KALRN: variants seen among roughly 807,000 people sequenced by gnomAD.
KALRN encodes the protein kalirin.
A neutral mutation model predicts 353.7 loss-of-function variants in KALRN; 70 were observed. The ratio of observed to expected loss-of-function variants is 0.20; its 90% confidence interval spans 0.16 to 0.24. KALRN has a LOEUF of 0.24. Among genes scored for constraint, KALRN ranks in the 10% least tolerant of loss-of-function variants. The probability of loss-of-function intolerance (pLI) is 1.00; values close to 1 mark genes in which losing one functional copy is unlikely to be tolerated. For synonymous variants in KALRN, 1,391 were observed against 1,434.8 expected (o/e 0.97, Z 0.69); for missense variants, 2,791 against 3,756.7 (o/e 0.74, Z 6.72).
chr3:124,389,511 G>A (rs573518827), intron 11 of KALRN, among the ~76,000 whole-genome samples: 37 of 152,276 alleles, frequency 2.4e-4, no homozygotes, highest in Admixed American at 1.8e-3. Flanking sequence ...TGTAGGAGCC[G>A]AGAGGGTTAA....
chr3:124,412,835 G>GAATGTTGCA (rs1343450000), intron 13 of KALRN, among the ~76,000 whole-genome samples: 1 of 152,340 alleles, frequency 6.6e-6, no homozygotes, highest in East Asian at 1.9e-4. Context: ...TAGAAGGACA[G>GAATGTTGCA]AATGTTGCAC....
chr3:124,113,116 TGGGAGGAGG>T (rs2063144153), intron 1 of KALRN, among the ~76,000 whole-genome samples: 1 of 152,096 alleles, frequency 6.6e-6, no homozygotes, highest in Admixed American at 6.5e-5. Flanking sequence ...AGTAGTTAAG[TGGGAGGAGG>T]CTTTGAAATA....
In KALRN at chr3:124,661,903, A is replaced by C; in HGVS notation, c.6320A>C (p.Asn2107Thr). Residue 2107 changes from asparagine (N) to threonine (T), a missense_variant, in exon 45 of 60, where the codon AAT (asparagine) becomes ACT (threonine). This residue lies in a region of KALRN where 1,065 missense variants were observed against 1,156.4 expected (regional missense o/e 0.92). Transcript: ENST00000682506. The part of the protein sequence containing the change: ...LVPKRCNDMM[N>T]LGRLQGFEGT... ...CCCAAACGCTGCAATGACATGATGA[A>C]TCTAGGACGTCTGCAGGGCTTTGAG... 1 of 1,614,060 alleles carries C rather than the reference A, an allele frequency of 6.2e-7. No individual in the cohort carries two copies. Among genetic ancestry groups the C allele is most frequent in the African/African-American group, 1.3e-5 (1 of 75,020 alleles).
At chr3:124,684,938 C>A (rs1457905426) in intron 51 of KALRN, among the ~76,000 whole-genome samples, 2 of 152,020 alleles carry the variant, frequency 1.3e-5, no homozygotes, top group Non-Finnish European at 2.9e-5. Context: ...ACTCCCCGCA[C>A]CCCACTCCCC....
At chr3:124,610,638 G>GT (rs2077840066) in intron 34 of KALRN, among the ~76,000 whole-genome samples, 2 of 146,376 alleles carry the variant, frequency 1.4e-5, no homozygotes, top group Admixed American at 1.3e-4. Flanking sequence ...TAACCCTGGG[G>GT]GGGGCGGCTA....
chr3:124,496,003 A>ATATATATG (rs2063777710), intron 32 of KALRN, among the ~76,000 whole-genome samples: 1 of 63,920 alleles, frequency 1.6e-5, no homozygotes, highest in Non-Finnish European at 2.6e-5. Context: ...ATATATATAT[A>ATATATATG]TATATATATA....
chr3:124,527,262 T>C (rs2067668393), intron 33 of KALRN, among the ~76,000 whole-genome samples: 1 of 152,112 alleles, frequency 6.6e-6, no homozygotes, highest in African/African-American at 2.4e-5. Context: ...GTAAGGGTTT[T>C]GCAAGAAACA....
intron 3 of KALRN, among the ~76,000 whole-genome samples, chr3:124,261,720 C>A (rs80180951): frequency 0.01 from 1,530 of 152,276 alleles, 20 homozygotes; most frequent in Admixed American, 0.021. Context: ...ATTCTCAGGT[C>A]AGCATAATTA....
intron 45 of KALRN, among the ~76,000 whole-genome samples, chr3:124,664,370 T>TGCGC (rs1553719790): frequency 0.014 from 1,767 of 129,524 alleles, 37 homozygotes; most frequent in African/African-American, 0.033. Context: ...TGTGTGTGTG[T>TGCGC]GCGCGCGCGC....
rs541097290 is a variant in KALRN at position 124,256,637 on chromosome 3, T to C, written c.264-7861T>C. On this transcript the variant is annotated intron_variant, in intron 3 of 59. Coordinates refer to ENST00000682506, the MANE Select transcript of KALRN (RefSeq NM_001388419.1). ...AGTTGTGACACGCCTATTCATTCAT[T>C]CCTCACACACCCACCCACCCACAGA... Among the ~76,000 whole-genome samples, 14 of 152,278 alleles carry C rather than the reference T, an allele frequency of 9.2e-5. No homozygotes were observed. The South Asian group carries it at 2.9e-3, about 32-fold the overall frequency.
Position 124,667,038 on chromosome 3 carries a change from TGTG to T in KALRN, c.6560_6562del (p.Val2187del). ...TGAATTACTTGGTCCTGGAGGAGAA[TGTG>T]GACAATGATCCCTGCAAGTTTGCAC... On this transcript the variant is annotated inframe_deletion, in exon 47 of 60. Transcript: ENST00000682506. The T allele has an allele frequency of 1.2e-6, 2 of 1,612,088 alleles. No individual in the cohort carries two copies.
chr3:124,278,402 TAGGGGAAAC>T (rs2074993536), intron 5 of KALRN, among the ~76,000 whole-genome samples: 1 of 150,968 alleles, frequency 6.6e-6, no homozygotes, highest in African/African-American at 2.4e-5. Flanking sequence ...TCTGCCCCAG[TAGGGGAAAC>T]AGGGGAAAGG....
In KALRN at chr3:124,314,461, A is replaced by C. The variant is rs898526194; in HGVS notation, c.1093-11519A>C. 1.8e-4 allele frequency among the ~76,000 whole-genome samples: 27 copies of C among 152,052 alleles called. 1 individual carries two copies. The highest frequency in any genetic ancestry group is 1.5e-5 in the Non-Finnish European group (1 of 68,004). On this transcript the variant is annotated intron_variant, in intron 6 of 59. Transcript: ENST00000682506. ...ACATGTATACATATGTAACAAACCCACACGTTGTGCACATATACCCTGGAA... is the reference window on the plus strand; with the variant it reads ...ACATGTATACATATGTAACAAACCCCCACGTTGTGCACATATACCCTGGAA...
chr3:124,112,797 G>A (rs987829167), intron 1 of KALRN, among the ~76,000 whole-genome samples: 3 of 152,126 alleles, frequency 2.0e-5, no homozygotes, highest in African/African-American at 7.2e-5. Context: ...GGCATGGGGT[G>A]ATATTTTTGG....
At chr3:124,689,939 C>T (rs921532895) in intron 51 of KALRN, among the ~76,000 whole-genome samples, 1 of 152,216 alleles carries the variant, frequency 6.6e-6, no homozygotes, top group African/African-American at 2.4e-5. Flanking sequence ...GAGGTACCTA[C>T]AGCCCCTAGA....
At chr3:124,344,341 A>T (rs1162919775) in intron 9 of KALRN, among the ~76,000 whole-genome samples, 7 of 152,244 alleles carry the variant, frequency 4.6e-5, no homozygotes, top group Non-Finnish European at 1.0e-4. Context: ...GGCACTGCTG[A>T]TGTCTGCTCA....
chr3:124,377,487 T>C (rs149579483), intron 10 of KALRN, among the ~76,000 whole-genome samples: 5 of 152,182 alleles, frequency 3.3e-5, no homozygotes, highest in African/African-American at 9.6e-5. Context: ...TCTTGGTAAA[T>C]ATTCTGTGAG....
intron 1 of KALRN, among the ~76,000 whole-genome samples, chr3:124,110,523 G>A (rs1654152180): frequency 6.7e-6 from 1 of 149,700 alleles, no homozygotes; most frequent in Admixed American, 6.7e-5. Flanking sequence ...CACAAATGTG[G>A]GTCTCTTTCT....
In KALRN at chr3:124,275,893, G is replaced by A. The variant is rs189576322; in HGVS notation, c.969+6638G>A. Among the ~76,000 whole-genome samples, 12 of 152,218 alleles carry A rather than the reference G, an allele frequency of 7.9e-5. No individual in the cohort carries two copies. In the East Asian group the frequency reaches 2.3e-3, roughly 29 times the overall value. On this transcript the variant is annotated intron_variant, in intron 5 of 59. Coordinates refer to ENST00000682506, the MANE Select transcript of KALRN (RefSeq NM_001388419.1). ...AAGAGGAGCACATAGGTCACACTGG[G>A]GTCACACCTGAGGAGTCAGGGTGGG...
Sources: gnomAD v4.1 joint callset for allele counts (sites outside exome capture counted in the v4.1 genomes callset) on GRCh38, gnomAD v4.1.1 for gene constraint, gnomAD v4.1.1 regional missense constraint, MANE v1.5 for transcripts, NCBI Gene and HGNC (gene_info 2026-07-23, HGNC 2026-07-21) for gene names.